Variants in NRF1 observed in about 807,000 individuals in gnomAD.
The protein encoded by NRF1 is alpha palindromic-binding protein.
NRF1 carries 5 observed loss-of-function variants against 58.5 expected under a neutral mutation model. The ratio of observed to expected loss-of-function variants is 0.09; its 90% CI spans 0.04 to 0.18. The LOEUF (loss-of-function observed/expected upper bound fraction) is 0.18, where lower values mean the gene tolerates loss of function less well. Ranked by LOEUF, NRF1 falls within the 10% of genes least tolerant of loss-of-function variation. The probability of loss-of-function intolerance (pLI) is 1.00; values close to 1 mark genes in which losing one functional copy is unlikely to be tolerated. For missense variants in NRF1, 288 were observed against 657.7 expected, an observed-to-expected ratio of 0.44 and a Z score of 6.15; for synonymous variants, 224 against 246.7, an observed-to-expected ratio of 0.91 and a Z score of 0.86.
rs571019232 is a variant in NRF1 at position 129,705,162 on chromosome 7, TATTA to T, written c.607-3906_607-3903del. The stretch of plus-strand genomic sequence containing the variant: ...ACTGAGGTAATAATAATAAAACTTC[TATTA>T]ATTAATATACCTGCTATCTCAGCCT... On this transcript the variant is annotated intron_variant, in intron 5 of 10. Transcript: ENST00000393232. 6.2e-3 allele frequency among the ~76,000 whole-genome samples: 951 copies of T among 152,354 alleles called. 8 individuals carry two copies. The highest frequency in any genetic ancestry group is 9.5e-3 in the Non-Finnish European group (644 of 68,032).
chr7:129,675,609 G>A (rs778357602), intron 3 of NRF1, among the ~76,000 whole-genome samples: 7 of 152,168 alleles, frequency 4.6e-5, no homozygotes, highest in South Asian at 2.1e-4. Context: ...GTACGTCTCC[G>A]TTAGAGCTCT....
chr7:129,695,396 G>C lies in NRF1; in HGVS notation c.606+4850G>C, dbSNP rs571397590. Among the ~76,000 whole-genome samples, 16 of 152,014 alleles carry C rather than the reference G, an allele frequency of 1.1e-4. 1 individual carries two copies. Among genetic ancestry groups the C allele is most frequent in the African/African-American group, 3.9e-4 (16 of 41,472 alleles). On this transcript the variant is annotated intron_variant, in intron 5 of 10. Coordinates refer to ENST00000393232, the MANE Select transcript of NRF1 (RefSeq NM_005011.5). ...GTTCGAGAGCAGCCTGGCCAACATG[G>C]CAAAACCCTGTCTCTACTAAAAATA...
Position 129,755,405 on chromosome 7 carries a change from C to T in NRF1, c.*224C>T, listed in dbSNP as rs1226228016. 1 of 474,818 alleles carries T rather than the reference C, an allele frequency of 2.1e-6. No individual in the cohort carries two copies. The highest frequency in any genetic ancestry group is 2.7e-5 in the South Asian group (1 of 36,744). 29.4% of individuals were successfully genotyped at this position (474,818 alleles called of 1,614,324 possible). ...GAAACTGCATTGTCAATTTCACTGT[C>T]CCAAAAAAGCCAAATTGTGGCAGGA... On this transcript the variant is annotated 3_prime_UTR_variant, in exon 11 of 11. Coordinates refer to ENST00000393232, the MANE Select transcript of NRF1 (RefSeq NM_005011.5). The surrounding 1 kb of genome is among the most constrained non-coding windows in gnomAD (Gnocchi z 5.8).
chr7:129,746,322 A>C (rs1455213789), intron 10 of NRF1, among the ~76,000 whole-genome samples: 18 of 152,080 alleles, frequency 1.2e-4, no homozygotes, highest in Admixed American at 1.2e-3. Flanking sequence ...TGATATTGAC[A>C]TTCTCTTCAT....
chr7:129,730,794 A>C (rs183489944), intron 10 of NRF1, among the ~76,000 whole-genome samples: 173 of 151,872 alleles, frequency 1.1e-3, no homozygotes, highest in Admixed American at 3.0e-3. Context: ...TGAACAACAT[A>C]GTAAGACCCC....
intron 10 of NRF1, among the ~76,000 whole-genome samples, chr7:129,730,868 T>A (rs1335167377): frequency 9.2e-5 from 14 of 151,942 alleles, no homozygotes. Flanking sequence ...TCCCAGCTAC[T>A]TGGGGGTCTG....
intron 1 of NRF1, among the ~76,000 whole-genome samples, chr7:129,651,251 G>T (rs961198539): frequency 3.3e-5 from 5 of 151,866 alleles, no homozygotes; most frequent in African/African-American, 1.2e-4. Flanking sequence ...GTAAAACCCC[G>T]TCTCTGCTAA....
chr7:129,613,743 A>G (rs577103340), intron 1 of NRF1, among the ~76,000 whole-genome samples: 19 of 151,176 alleles, frequency 1.3e-4, no homozygotes, highest in Non-Finnish European at 2.7e-4. Flanking sequence ...TGTTAAAAAT[A>G]CAAAAATTAG....
In NRF1 at chr7:129,694,007, G is replaced by A. The variant is rs186026555; in HGVS notation, c.606+3461G>A. Among the ~76,000 whole-genome samples the A allele has an allele frequency of 1.6e-3, 246 of 152,282 alleles. 3 individuals carry two copies. In the South Asian group the frequency reaches 0.027, roughly 16 times the overall value. On this transcript the variant is annotated intron_variant, in intron 5 of 10. Transcript: ENST00000393232. ...TGGAGGTAAGACATTTGAAAGTGTT[G>A]TTTTCCATATTTGTCAAAACCACAC... is the stretch of plus-strand genomic sequence containing the variant.
At chr7:129,683,286 A>AGTGT (rs1442047814) in intron 4 of NRF1, among the ~76,000 whole-genome samples, 32 of 111,920 alleles carry the variant, frequency 2.9e-4, no homozygotes, top group Admixed American at 2.3e-3. Flanking sequence ...AATCATGTGG[A>AGTGT]GAGTGTGTGT....
At chr7:129,640,979 A>G (rs569494757) in intron 1 of NRF1, among the ~76,000 whole-genome samples, 9 of 152,320 alleles carry the variant, frequency 5.9e-5, no homozygotes, top group Non-Finnish European at 1.0e-4. Context: ...TCAGGGTGTT[A>G]TTTGTACATC....
intron 2 of NRF1, among the ~76,000 whole-genome samples, chr7:129,665,325 G>C (rs959441736): frequency 6.6e-6 from 1 of 152,184 alleles, no homozygotes; most frequent in Non-Finnish European, 1.5e-5. Flanking sequence ...GGCTTCCTGG[G>C]TTGGAATCCC....
intron 1 of NRF1, among the ~76,000 whole-genome samples, chr7:129,638,693 G>C (rs1420330228): frequency 6.6e-6 from 1 of 151,950 alleles, no homozygotes; most frequent in Non-Finnish European, 1.5e-5. Flanking sequence ...TTTGGTGATT[G>C]GTTTTTTTAA....
intron 4 of NRF1, among the ~76,000 whole-genome samples, chr7:129,687,997 A>G (rs1562970862): frequency 6.6e-6 from 1 of 152,272 alleles, no homozygotes; most frequent in Non-Finnish European, 1.5e-5. Context: ...TAAAAGAATT[A>G]TATAGCACTG....
intron 3 of NRF1, among the ~76,000 whole-genome samples, chr7:129,677,279 G>A (rs1333637370): frequency 6.6e-6 from 1 of 152,142 alleles, no homozygotes; most frequent in Non-Finnish European, 1.5e-5. Flanking sequence ...CTCCCAAAGT[G>A]CTGGGATTAC....
intron 1 of NRF1, among the ~76,000 whole-genome samples, chr7:129,626,102 G>GAGCC (rs1231871124): frequency 6.6e-6 from 1 of 152,196 alleles, no homozygotes; most frequent in Non-Finnish European, 1.5e-5. Context: ...TTACAGGCAT[G>GAGCC]AGCCACCATC....
At chr7:129,668,614 A>G (rs1466741038) in intron 2 of NRF1, among the ~76,000 whole-genome samples, 1 of 152,260 alleles carries the variant, frequency 6.6e-6, no homozygotes, top group Non-Finnish European at 1.5e-5. Context: ...AAGAATAGGT[A>G]AACAAACTGG....
At chr7:129,674,072 C>T (rs947818641) in intron 3 of NRF1, among the ~76,000 whole-genome samples, 15 of 151,724 alleles carry the variant, frequency 9.9e-5, no homozygotes, top group South Asian at 4.2e-4. Flanking sequence ...ACCCAGGAGG[C>T]GGAGGCTGCA....
chr7:129,745,107 C>CTGT (rs1447760415), intron 10 of NRF1, among the ~76,000 whole-genome samples: 2 of 152,212 alleles, frequency 1.3e-5, no homozygotes, highest in African/African-American at 2.4e-5. Flanking sequence ...CTGCACCTGA[C>CTGT]TGTTGCAGGC....
Sources: allele counts gnomAD v4.1 joint callset (sites outside exome capture counted in the v4.1 genomes callset), GRCh38; gene constraint gnomAD v4.1.1; non-coding constraint Gnocchi (gnomAD v3.1); transcripts MANE v1.5; gene names NCBI Gene and HGNC (gene_info 2026-07-23, HGNC 2026-07-21).